The following SLC7A11 variants were observed in gnomAD, a reference collection of about 807,000 sequenced individuals.
The protein encoded by SLC7A11 is solute carrier family 7 member 11.
A neutral mutation model predicts 54.5 loss-of-function variants in SLC7A11; 35 were observed. The observed-to-expected ratio is 0.64, with a 90% CI of 0.49 to 0.85. The LOEUF is 0.85. Among genes scored for constraint, SLC7A11 ranks in the 40% least tolerant of loss-of-function variants. The pLI is 0.00. For synonymous variants in SLC7A11, 230 were observed against 225.2 expected (o/e 1.02, Z -0.19); for missense variants, 583 against 618.1 (o/e 0.94, Z 0.60).
In SLC7A11 at chr4:138,182,350, G is replaced by C; in HGVS notation, c.1063C>G (p.Leu355Val). The change falls in exon 9 of 12, where the codon CTC becomes GTC. Residue 355 changes from leucine (L) to valine (V), a missense_variant. Leu to Val is a conservative substitution (Grantham distance 32). Transcript: ENST00000280612. ...ASREGHLPEI[L>V]SMIHVRKHTP... ...TGCTTGCGGACATGAATCATGGAGA[G>C]GATTTCTGGAAGGTGACCCTCTCGA... is the stretch of plus-strand genomic sequence containing the variant. The C allele has an allele frequency of 3.7e-6, 6 of 1,612,198 alleles. No homozygotes were observed. The highest frequency in any genetic ancestry group is 5.1e-6 in the Non-Finnish European group (6 of 1,178,686).
intron 3 of SLC7A11, among the ~76,000 whole-genome samples, chr4:138,230,413 T>TAAAAAAAAAAAA (rs5862372): frequency 7.1e-6 from 1 of 141,430 alleles, no homozygotes; most frequent in African/African-American, 2.6e-5. Context: ...AAATGAAAGC[T>TAAAAAAAAAAAA]AAAAAAAAAA....
At chr4:138,219,911 C>CA (rs1399989722) in intron 4 of SLC7A11, among the ~76,000 whole-genome samples, 19 of 149,962 alleles carry the variant, frequency 1.3e-4, no homozygotes, top group Non-Finnish European at 2.5e-4. Context: ...TCCTGAAGAC[C>CA]ATGTGTGTCA....
In SLC7A11 at chr4:138,241,307, A is replaced by G. The variant is rs186301531; in HGVS notation, c.277+486T>C. On this transcript the variant is annotated intron_variant, in intron 1 of 11. Coordinates refer to ENST00000280612, the MANE Select transcript of SLC7A11 (RefSeq NM_014331.4). ...GGTGACAAGCACATGAACTTAAAAAATATTTTTATAAAGACTGCCACCCAT... is the reference window on the plus strand; with the variant it reads ...GGTGACAAGCACATGAACTTAAAAAGTATTTTTATAAAGACTGCCACCCAT... 2.6e-4 allele frequency among the ~76,000 whole-genome samples: 39 copies of G among 152,320 alleles called. No individual in the cohort carries two copies. In the East Asian group the frequency reaches 6.8e-3, roughly 26 times the overall value.
At chr4:138,181,852 C>A (rs1736750658) in intron 9 of SLC7A11, among the ~76,000 whole-genome samples, 1 of 152,064 alleles carries the variant, frequency 6.6e-6, no homozygotes, top group Admixed American at 6.6e-5. Context: ...AATCATGGCA[C>A]TGTCTAGGAT....
chr4:138,180,926 G>A (rs2148412214), intron 9 of SLC7A11, 136 bp from the exon 10 acceptor site: 2 of 802,158 alleles, frequency 2.5e-6, no homozygotes, highest in East Asian at 5.4e-5. Context: ...GTTAAAACTT[G>A]GATTTGACTA....
chr4:138,192,068 A>G (rs1158008258), intron 6 of SLC7A11, among the ~76,000 whole-genome samples: 1 of 152,178 alleles, frequency 6.6e-6, no homozygotes, highest in Admixed American at 6.6e-5. Flanking sequence ...GGTCTACACA[A>G]CACTAAGATA....
At chr4:138,197,111 G>A (rs371172170) in intron 6 of SLC7A11, among the ~76,000 whole-genome samples, 10 of 152,118 alleles carry the variant, frequency 6.6e-5, no homozygotes, top group Non-Finnish European at 1.0e-4. Context: ...GACTTCTTAG[G>A]TAATGTGTTC....
At chr4:138,177,088 C>T (rs1324491303) in intron 11 of SLC7A11, 1 of 152,018 alleles carries the variant, frequency 6.6e-6, no homozygotes, top group Non-Finnish European at 1.5e-5. Flanking sequence ...TCTAAAGATG[C>T]AAAATTCCAA....
rs1736321949 is a variant in SLC7A11 at position 138,168,378 on chromosome 4, C to A, written c.*3578G>T. ...TATCTTTCATTTCCTGATTCTCTGG[C>A]CTTCGGTTTTTTATCTTTTCATACC... On this transcript the variant is annotated 3_prime_UTR_variant, in exon 12 of 12. Transcript: ENST00000280612. The A allele has an allele frequency of 6.6e-6, 1 of 152,140 alleles. No individual in the cohort carries two copies. Among genetic ancestry groups the A allele is most frequent in the Non-Finnish European group, 1.5e-5 (1 of 68,030 alleles). 9.4% of individuals were successfully genotyped at this position (152,140 alleles called of 1,614,324 possible).
At chr4:138,216,652 C>T (rs1394096254) in intron 5 of SLC7A11, among the ~76,000 whole-genome samples, 1 of 152,188 alleles carries the variant, frequency 6.6e-6, no homozygotes, top group Admixed American at 6.6e-5. Context: ...CATATCCCCA[C>T]CCTGGGCTTG....
At chr4:138,198,702 T>C (rs959710470) in intron 6 of SLC7A11, among the ~76,000 whole-genome samples, 3 of 152,152 alleles carry the variant, frequency 2.0e-5, no homozygotes, top group African/African-American at 7.2e-5. Context: ...AAGAGAATAA[T>C]TGGATATGTA....
chr4:138,181,626 A>G (rs554747339), intron 9 of SLC7A11, among the ~76,000 whole-genome samples: 1 of 152,284 alleles, frequency 6.6e-6, no homozygotes, highest in Admixed American at 6.5e-5. Flanking sequence ...TCCTGACAAC[A>G]GACTCCAGTT....
chr4:138,218,117 T>C (rs1028942202), intron 5 of SLC7A11, among the ~76,000 whole-genome samples: 1 of 152,196 alleles, frequency 6.6e-6, no homozygotes, highest in Non-Finnish European at 1.5e-5. Context: ...AATACCATAT[T>C]TTCATAATTC....
In SLC7A11 at chr4:138,165,814, C is replaced by T. The variant is rs1002056000; in HGVS notation, c.*6142G>A. The T allele has an allele frequency of 1.3e-5, 2 of 151,966 alleles. No homozygotes were observed. Among genetic ancestry groups the T allele is most frequent in the African/African-American group, 2.4e-5 (1 of 41,364 alleles). 9.4% of individuals were successfully genotyped at this position (151,966 alleles called of 1,614,324 possible). ...GAAATTTATAGAAATTTGATTTATACCAGTAGTAATAACATTCATAAGGAA... is the reference window on the plus strand; with the variant it reads ...GAAATTTATAGAAATTTGATTTATATCAGTAGTAATAACATTCATAAGGAA... On this transcript the variant is annotated 3_prime_UTR_variant, in exon 12 of 12. Transcript: ENST00000280612.
At chr4:138,215,766 C>A (rs1280091021) in intron 5 of SLC7A11, among the ~76,000 whole-genome samples, 1 of 146,684 alleles carries the variant, frequency 6.8e-6, no homozygotes, top group Non-Finnish European at 1.5e-5. Flanking sequence ...GAAAAAAAAA[C>A]ACATGCACAC....
intron 1 of SLC7A11, among the ~76,000 whole-genome samples, chr4:138,239,566 C>T (rs1738327444): frequency 6.6e-6 from 1 of 152,096 alleles, no homozygotes; most frequent in South Asian, 2.1e-4. Context: ...AAATGCAATG[C>T]AAATAAAGAT....
rs1736358118 is a variant in SLC7A11, at chr4:138,169,654, GTCT to G, written c.*2299_*2301del. On this transcript the variant is annotated 3_prime_UTR_variant, in exon 12 of 12. Coordinates refer to ENST00000280612, the MANE Select transcript of SLC7A11 (RefSeq NM_014331.4). ...CAAACCTCTCTATGAGAATTTACCAGTCTTCTTTCATTTGGCAAGAAAAAGCTC... is the reference window on the plus strand; with the variant it reads ...CAAACCTCTCTATGAGAATTTACCAGTCTTTCATTTGGCAAGAAAAAGCTC... 1 of 151,754 alleles carries G rather than the reference GTCT, an allele frequency of 6.6e-6. No homozygotes were observed. Among genetic ancestry groups the G allele is most frequent in the African/African-American group, 2.4e-5 (1 of 41,302 alleles). The allele number at this position is 151,754 out of a possible 1,614,324, so 9.4% of individuals were successfully genotyped here. A position where few individuals can be genotyped will look rare whatever the true frequency, so the allele number is the denominator to read the frequency against.
chr4:138,230,921 T>C (rs948024360), intron 3 of SLC7A11, among the ~76,000 whole-genome samples: 1 of 152,140 alleles, frequency 6.6e-6, no homozygotes, highest in African/African-American at 2.4e-5. Flanking sequence ...AATACAGCAA[T>C]GAATAGGTCT....
intron 6 of SLC7A11, among the ~76,000 whole-genome samples, chr4:138,191,479 A>C (rs1406349151): frequency 1.3e-5 from 2 of 152,274 alleles, no homozygotes; most frequent in African/African-American, 2.4e-5. Flanking sequence ...AAGGAAGCTC[A>C]TGGAAAAATG....
Sources: gnomAD v4.1 joint callset for allele counts (sites outside exome capture counted in the v4.1 genomes callset) on GRCh38, gnomAD v4.1.1 for gene constraint, MANE v1.5 for transcripts, NCBI Gene and HGNC (gene_info 2026-07-23, HGNC 2026-07-21) for gene names.